Variants in CCDC171 observed in about 807,000 individuals in gnomAD.
CCDC171 encodes coiled-coil domain-containing protein 171.
CCDC171 carries 177 observed loss-of-function variants against 168.2 expected under a neutral mutation model. The ratio of observed to expected loss-of-function variants is 1.05; its 90% CI spans 0.93 to 1.19. CCDC171 has a LOEUF of 1.19. Among genes scored for constraint, CCDC171 ranks in the 50% most tolerant of loss-of-function variants. The probability of loss-of-function intolerance (pLI) is 0.00; values close to 1 mark genes in which losing one functional copy is unlikely to be tolerated. For synonymous variants in CCDC171, 687 were observed against 540.8 expected, an observed-to-expected ratio of 1.27 and a Z score of -3.75; for missense variants, 1,991 against 1,539.0, an observed-to-expected ratio of 1.29 and a Z score of -4.91.
chr9:15,744,614 G>C lies in CCDC171; in HGVS notation c.2391G>C (p.Leu797Phe). 6.2e-7 allele frequency: 1 copy of C among 1,614,160 alleles called. No individual in the cohort carries two copies. The change falls in exon 17 of 26, where the codon TTG (leucine) becomes TTC (phenylalanine). Residue 797 changes from leucine to phenylalanine, a missense_variant. By Grantham distance (22) the Leu-to-Phe change is conservative. Transcript: ENST00000380701. ...AKMKKKTFKGLIRIFRKGVIA... is the reference protein window; with the variant it reads ...AKMKKKTFKGFIRIFRKGVIA... ...TGAAAAAGAAAACATTCAAAGGATT[G>C]ATACGTATATTTCGGAAAGGTGTTA...
At chr9:15,810,310 C>T (rs189533787) in intron 21 of CCDC171, among the ~76,000 whole-genome samples, 44 of 152,356 alleles carry the variant, frequency 2.9e-4, no homozygotes, top group African/African-American at 7.7e-4. Context: ...AGTCCCCACC[C>T]GACTCAGGAG....
rs192105245 is a variant in CCDC171, at chr9:15,690,061, A to T, written c.1216-5174A>T. On this transcript the variant is annotated intron_variant, in intron 10 of 25. Coordinates refer to ENST00000380701, the MANE Select transcript of CCDC171 (RefSeq NM_173550.4). Reference sequence around the variant, plus strand: ...GCGACAGAGGGAAACTCCATCTCAAAACAACAAAAACAAAAAGAAATGAGA... The same window carrying T: ...GCGACAGAGGGAAACTCCATCTCAATACAACAAAAACAAAAAGAAATGAGA... Among the ~76,000 whole-genome samples the T allele has an allele frequency of 7.0e-4, 107 of 152,260 alleles. 1 individual carries two copies. The highest frequency in any genetic ancestry group is 2.4e-3 in the African/African-American group (100 of 41,562).
chr9:15,784,783 A>G, intron 21 of CCDC171, 89 bp downstream of exon 21: 1 of 935,260 alleles, frequency 1.1e-6, no homozygotes, highest in Non-Finnish European at 1.6e-6. Context: ...GAATAGGAAT[A>G]GATCCCAAGA....
intron 10 of CCDC171, among the ~76,000 whole-genome samples, chr9:15,683,872 A>G (rs2050205052): frequency 6.6e-6 from 1 of 152,096 alleles, no homozygotes; most frequent in African/African-American, 2.4e-5. Context: ...GGTAGCGTCT[A>G]CTGAAAAATA....
chr9:15,983,167 A>T (rs985676526), intron 3 of CCDC171, among the ~76,000 whole-genome samples: 26 of 151,838 alleles, frequency 1.7e-4, no homozygotes, highest in African/African-American at 6.3e-4. Context: ...TCTTTTCAGA[A>T]CCCCCTTCCC....
At chr9:15,914,715 T>C (rs1251042183) in intron 24 of CCDC171, among the ~76,000 whole-genome samples, 1 of 151,948 alleles carries the variant, frequency 6.6e-6, no homozygotes. Context: ...CTCCTGCAGA[T>C]AGCTTGATGT....
intron 25 of CCDC171, among the ~76,000 whole-genome samples, chr9:15,940,320 T>C (rs1827569849): frequency 6.6e-6 from 1 of 151,960 alleles, no homozygotes; most frequent in Non-Finnish European, 1.5e-5. Flanking sequence ...CTCAGAATCT[T>C]ATCTAATTAA....
In CCDC171 at chr9:15,578,933, C is replaced by G; in HGVS notation, c.262C>G (p.Leu88Val). Residue 88 changes from leucine to valine, a missense_variant, in exon 4 of 26, where the codon CTA becomes GTA. By Grantham distance (32) the Leu-to-Val change is conservative (BLOSUM62 1). Transcript: ENST00000380701. ...EALRQSLEYD[L>V]AVARKEAGLG... ...ATTGCGACAAAGTCTGGAATATGAC[C>G]TAGCTGTTGCTAGAAAGGAAGCTGG... is the stretch of plus-strand genomic sequence containing the variant. 1 of 1,613,930 alleles carries G rather than the reference C, an allele frequency of 6.2e-7. No individual in the cohort carries two copies. The highest frequency in any genetic ancestry group is 1.3e-5 in the African/African-American group (1 of 75,036).
intron 7 of CCDC171, among the ~76,000 whole-genome samples, chr9:15,630,331 A>C (rs1405383085): frequency 6.6e-6 from 1 of 152,212 alleles, no homozygotes; most frequent in East Asian, 1.9e-4. Flanking sequence ...ATGGAGGAAG[A>C]TCTACCAAGC....
intron 6 of CCDC171, among the ~76,000 whole-genome samples, chr9:15,598,668 C>G (rs1012264333): frequency 6.6e-6 from 1 of 152,130 alleles, no homozygotes; most frequent in Non-Finnish European, 1.5e-5. Flanking sequence ...ATTAGGTCCA[C>G]TTGGTGCAGA....
chr9:15,919,607 A>G (rs994269886), intron 24 of CCDC171, among the ~76,000 whole-genome samples: 1 of 151,628 alleles, frequency 6.6e-6, no homozygotes, highest in Non-Finnish European at 1.5e-5. Context: ...TAGAAGAAAA[A>G]TTCTATAAAA....
chr9:15,567,771 A>C (rs1401643351), intron 2 of CCDC171, among the ~76,000 whole-genome samples: 1 of 151,816 alleles, frequency 6.6e-6, no homozygotes, highest in African/African-American at 2.4e-5. Flanking sequence ...CTCCTGCCTC[A>C]GCCTCCTTAG....
intron 3 of CCDC171, among the ~76,000 whole-genome samples, chr9:15,984,737 G>A (rs2987017): frequency 0.49 from 75,020 of 151,894 alleles, 19,876 homozygotes; most frequent in African/African-American, 0.7. Flanking sequence ...GATGAAAAGG[G>A]TAGGATACAA....
At chr9:16,067,123 G>C in the CCDC171 span, among the ~76,000 whole-genome samples, 5 of 151,868 alleles carry the variant, frequency 3.3e-5, no homozygotes, top group African/African-American at 1.2e-4. Context: ...TCCAGCACCT[G>C]TTGTTTCCTG....
intron 4 of CCDC171, among the ~76,000 whole-genome samples, chr9:15,586,664 A>T (rs1411442927): frequency 6.6e-6 from 1 of 152,154 alleles, no homozygotes; most frequent in Non-Finnish European, 1.5e-5. Context: ...CTCTGGGATT[A>T]CTTAAGAATT....
At position 15,920,294 on chromosome 9, in the gene CCDC171, G is replaced by T; in HGVS notation, c.3625G>T (p.Val1209Phe). 6.3e-7 allele frequency: 1 copy of T among 1,596,732 alleles called. No individual in the cohort carries two copies. Among genetic ancestry groups the T allele is most frequent in the Non-Finnish European group, 8.5e-7 (1 of 1,169,650 alleles). ...GGCTATGATTAAAAGTTTCATGGAT[G>T]TCTACCAGCTTGCAAGCACTAGAAT... Reference protein sequence around the residue: ...CQAMIKSFMDVYQLASTRIMT... With the variant: ...CQAMIKSFMDFYQLASTRIMT... The change falls in exon 25 of 26, where the codon GTC becomes TTC. Residue 1209 changes from valine (V) to phenylalanine (F), a missense_variant. Coordinates refer to ENST00000380701, the MANE Select transcript of CCDC171 (RefSeq NM_173550.4).
chr9:15,767,686 A>C lies in CCDC171; in HGVS notation c.2672-9914A>C, dbSNP rs557318939. 2.2e-4 allele frequency among the ~76,000 whole-genome samples: 33 copies of C among 151,890 alleles called. No individual in the cohort carries two copies. The Middle Eastern group carries it at 0.014, about 63-fold the overall frequency. On this transcript the variant is annotated intron_variant, in intron 18 of 25. Transcript: ENST00000380701. The stretch of plus-strand genomic sequence containing the variant: ...CACTGTCCTGCCTTTGGTATTTGAC[A>C]TTGCTGATCACTTCCTTCTTCCAGA...
chr9:16,088,864 A>G, the CCDC171 span, among the ~76,000 whole-genome samples: 3 of 152,130 alleles, frequency 2.0e-5, no homozygotes, highest in Admixed American at 6.5e-5. Context: ...AAACTATTTT[A>G]AATTTCATAT....
chr9:16,031,731 A>C (rs140660910), intron 6 of CCDC171, among the ~76,000 whole-genome samples: 2 of 152,240 alleles, frequency 1.3e-5, no homozygotes, highest in African/African-American at 2.4e-5. Context: ...CCACTTCCTG[A>C]GGGGTCGATA....
Sources: allele counts gnomAD v4.1 joint callset (sites outside exome capture counted in the v4.1 genomes callset), GRCh38; gene constraint gnomAD v4.1.1; transcripts MANE v1.5; gene names NCBI Gene and HGNC (gene_info 2026-07-23, HGNC 2026-07-21).